RYR3: variants seen among roughly 807,000 people sequenced by gnomAD.
RYR3 encodes the protein brain ryanodine receptor-calcium release channel.
In RYR3, 207 loss-of-function variants were observed where a neutral mutation model predicts 584.3. That is an observed-to-expected ratio of 0.35 (90% confidence interval 0.32 to 0.40). The LOEUF (loss-of-function observed/expected upper bound fraction) is 0.40. Among genes scored for constraint, RYR3 ranks in the 10% least tolerant of loss-of-function variants. The probability of loss-of-function intolerance (pLI) is 1.00; values close to 1 mark genes in which losing one functional copy is unlikely to be tolerated. For missense variants in RYR3, 5,616 were observed against 6,089.2 expected (o/e 0.92, Z 2.59); for synonymous variants, 2,416 against 2,248.5 (o/e 1.07, Z -2.11).
chr15:33,742,671 C>T, intron 52 of RYR3, among the ~76,000 whole-genome samples: 1 of 152,180 alleles, frequency 6.6e-6, no homozygotes, highest in Non-Finnish European at 1.5e-5. Context: ...ATGATCAATT[C>T]TGGAAGTGTT....
chr15:33,540,216 G>T (rs527811588), intron 6 of RYR3, among the ~76,000 whole-genome samples: 1 of 152,212 alleles, frequency 6.6e-6, no homozygotes, highest in Admixed American at 6.5e-5. Context: ...AGAAAGGATC[G>T]AATATAGGAA....
intron 85 of RYR3, 181 bp from the exon 86 acceptor site, chr15:33,830,782 T>C (rs1164513207): frequency 1.9e-6 from 1 of 514,904 alleles, no homozygotes; most frequent in Non-Finnish European, 3.3e-6. Flanking sequence ...TCTGCAGGGA[T>C]ATTTGTGCAT....
intron 1 of RYR3, among the ~76,000 whole-genome samples, chr15:33,462,928 C>T (rs538181073): frequency 6.6e-6 from 1 of 152,226 alleles, no homozygotes; most frequent in South Asian, 2.1e-4. Flanking sequence ...CACCTGTAAT[C>T]CTAGCACTTT....
intron 1 of RYR3, among the ~76,000 whole-genome samples, chr15:33,448,527 C>T (rs769592277): frequency 6.4e-4 from 97 of 152,184 alleles, no homozygotes; most frequent in South Asian, 3.9e-3. Flanking sequence ...GCCTTGAGAG[C>T]GAGATTTGAA....
intron 30 of RYR3, among the ~76,000 whole-genome samples, chr15:33,647,802 G>T (rs1196988660): frequency 6.6e-6 from 1 of 152,068 alleles, no homozygotes; most frequent in Non-Finnish European, 1.5e-5. Flanking sequence ...CCTTTTTTGT[G>T]TAAACTTTTG....
At chr15:33,462,373 A>C (rs923161400) in intron 1 of RYR3, among the ~76,000 whole-genome samples, 1 of 152,214 alleles carries the variant, frequency 6.6e-6, no homozygotes, top group African/African-American at 2.4e-5. Context: ...TTCTACAAAC[A>C]TTAAAGGGGA....
At chr15:33,532,059 C>A (rs927682867) in intron 4 of RYR3, among the ~76,000 whole-genome samples, 2 of 152,160 alleles carry the variant, frequency 1.3e-5, no homozygotes, top group East Asian at 1.9e-4. Flanking sequence ...TGGCTAGCTC[C>A]TTTTAAGTAC....
At position 33,838,192 on chromosome 15, in the gene RYR3, ATGT is replaced by A. The variant is rs1306906516; in HGVS notation, c.12216_12218del (p.Val4073del). 6.2e-7 allele frequency: 1 copy of A among 1,613,876 alleles called. No individual in the cohort carries two copies. Among genetic ancestry groups the A allele is most frequent in the African/African-American group, 1.3e-5 (1 of 74,914 alleles). On this transcript the variant is annotated inframe_deletion, in exon 89 of 104. Coordinates refer to ENST00000634891, the MANE Select transcript of RYR3 (RefSeq NM_001036.6). ...GAATCTAAGCGACAGTTCATTTTTG[ATGT>A]TGTCAATGAAGGTGGGGAGCAGGAA...
At chr15:33,705,439 C>G (rs185007877) in intron 42 of RYR3, among the ~76,000 whole-genome samples, 98 of 151,756 alleles carry the variant, frequency 6.5e-4, no homozygotes, top group African/African-American at 2.2e-3. Context: ...TAAAAAAAAT[C>G]TTAAAAAACA....
chr15:33,602,979 C>T (rs1162952980), intron 17 of RYR3, 144 bp from the exon 18 acceptor site: 1 of 836,170 alleles, frequency 1.2e-6, no homozygotes, highest in Non-Finnish European at 1.9e-6. Context: ...TTTAGAGATC[C>T]CTCCCATCTT....
Position 33,818,695 on chromosome 15 carries a change from C to T in RYR3, c.10706+11C>T, listed in dbSNP as rs2076949779. On this transcript the variant is annotated intron_variant, in intron 76 of 103. Transcript: ENST00000634891. ...TCTCACGGAGAGGAGGTCAGAACCA[C>T]CAGCTCACCTGCTTCTCCCAGGCAC... 1.9e-6 allele frequency: 3 copies of T among 1,591,176 alleles called. No homozygotes were observed. The East Asian group carries it at 6.7e-5, about 36-fold the overall frequency.
At position 33,671,811 on chromosome 15, in the gene RYR3, T is replaced by C. The variant is rs112837510; in HGVS notation, c.5860+1255T>C. 5.2e-5 allele frequency among the ~76,000 whole-genome samples: 5 copies of C among 95,656 alleles called. No individual in the cohort carries two copies. The East Asian group carries it at 1.1e-3, about 21-fold the overall frequency. 62.8% of individuals were successfully genotyped at this position (95,656 alleles called of 152,430 possible). On this transcript the variant is annotated intron_variant, in intron 38 of 103. Coordinates refer to ENST00000634891, the MANE Select transcript of RYR3 (RefSeq NM_001036.6). ...TCTTTCCCACCTTCTTTTTCTTTTTTTTTTTTTTTTTTTTTTTTCCTGAGA... is the reference window on the plus strand; with the variant it reads ...TCTTTCCCACCTTCTTTTTCTTTTTCTTTTTTTTTTTTTTTTTTCCTGAGA...
chr15:33,335,591 G>A (rs1970867218), intron 1 of RYR3, among the ~76,000 whole-genome samples: 1 of 152,062 alleles, frequency 6.6e-6, no homozygotes, highest in Non-Finnish European at 1.5e-5. Context: ...CCTAGGTGAT[G>A]AAATCATCTG....
At chr15:33,848,144 T>G (rs2078843372) in intron 93 of RYR3, 147 bp from the exon 94 acceptor site, 1 of 965,880 alleles carries the variant, frequency 1.0e-6, no homozygotes, top group Non-Finnish European at 1.6e-6. Context: ...TTCATTTGGC[T>G]TTGATCCCAC....
At chr15:33,384,606 C>CAT (rs1217840124) in intron 1 of RYR3, among the ~76,000 whole-genome samples, 2 of 145,308 alleles carry the variant, frequency 1.4e-5, no homozygotes, top group Non-Finnish European at 3.0e-5. Context: ...TATATGCACA[C>CAT]ACACACACAC....
intron 11 of RYR3, among the ~76,000 whole-genome samples, chr15:33,563,307 G>A (rs2057515109): frequency 6.6e-6 from 1 of 152,108 alleles, no homozygotes; most frequent in Non-Finnish European, 1.5e-5. Flanking sequence ...TGCTGTCTTG[G>A]GATTATCCAC....
intron 53 of RYR3, among the ~76,000 whole-genome samples, chr15:33,747,561 A>C (rs1473512629): frequency 1.3e-5 from 2 of 151,658 alleles, no homozygotes; most frequent in Non-Finnish European, 2.9e-5. Flanking sequence ...AGTAGCTGGG[A>C]CTACAGGCAT....
At chr15:33,823,634 AT>A (rs2077223106) in intron 81 of RYR3, among the ~76,000 whole-genome samples, 1 of 152,210 alleles carries the variant, frequency 6.6e-6, no homozygotes, top group Admixed American at 6.5e-5. Context: ...TGAACTTTCC[AT>A]TCATATTATT....
intron 1 of RYR3, among the ~76,000 whole-genome samples, chr15:33,319,509 T>C (rs1968662045): frequency 6.6e-6 from 1 of 152,230 alleles, no homozygotes; most frequent in Non-Finnish European, 1.5e-5. Context: ...GAATAAACTA[T>C]AGTGAGGTCT....
Sources: gnomAD v4.1 joint callset for allele counts (sites outside exome capture counted in the v4.1 genomes callset) on GRCh38, gnomAD v4.1.1 for gene constraint, MANE v1.5 for transcripts, NCBI Gene and HGNC (gene_info 2026-07-23, HGNC 2026-07-21) for gene names.